TBC1D9: variants seen among roughly 807,000 people sequenced by gnomAD.
TBC1D9 encodes TBC1 domain family member 9.
In TBC1D9, 63 loss-of-function variants were observed where a neutral mutation model predicts 132.0. The ratio of observed to expected loss-of-function variants is 0.48; its 90% CI spans 0.39 to 0.59. The LOEUF (loss-of-function observed/expected upper bound fraction) is 0.59, where lower values mean the gene tolerates loss of function less well. TBC1D9 is among the 20% of genes least tolerant of loss of function. The pLI is 0.00. For missense variants in TBC1D9, 1,261 were observed against 1,592.7 expected (o/e 0.79, Z 3.54); for synonymous variants, 610 against 609.9 (o/e 1.00, Z 0.00).
intron 9 of TBC1D9, among the ~76,000 whole-genome samples, chr4:140,666,984 A>G (rs958922171): frequency 6.6e-6 from 1 of 152,204 alleles, no homozygotes; most frequent in African/African-American, 2.4e-5. Flanking sequence ...ACAGGGACAT[A>G]ACGCTGGCTT....
chr4:140,680,957 CTTTG>C (rs1265759765), intron 3 of TBC1D9, among the ~76,000 whole-genome samples: 23 of 152,290 alleles, frequency 1.5e-4, no homozygotes, highest in East Asian at 5.8e-4. Flanking sequence ...ATCATGTACA[CTTTG>C]TTTGTTTTAA....
intron 2 of TBC1D9, among the ~76,000 whole-genome samples, chr4:140,686,668 TTG>T (rs1737787112): frequency 6.6e-6 from 1 of 152,140 alleles, no homozygotes; most frequent in Non-Finnish European, 1.5e-5. Context: ...TATAATCAAG[TTG>T]TGTTATAATC....
intron 3 of TBC1D9, among the ~76,000 whole-genome samples, chr4:140,685,831 A>G (rs1009676484): frequency 6.6e-6 from 1 of 152,192 alleles, no homozygotes; most frequent in African/African-American, 2.4e-5. Flanking sequence ...AGAGGTTCAG[A>G]AAGTTGTGAA....
intron 2 of TBC1D9, among the ~76,000 whole-genome samples, chr4:140,697,041 A>G (rs570570936): frequency 6.6e-6 from 1 of 152,184 alleles, no homozygotes; most frequent in Non-Finnish European, 1.5e-5. Context: ...CATGAAAAGG[A>G]GCCAGTAACT....
chr4:140,643,463 G>A (rs1268466996), intron 13 of TBC1D9: 3 of 908,022 alleles, frequency 3.3e-6, no homozygotes, highest in Non-Finnish European at 5.4e-6. Context: ...CCTCTTCCAG[G>A]TAGCAGGTGC....
Position 140,658,247 on chromosome 4 carries a change from A to C in TBC1D9, c.1922-435T>G, listed in dbSNP as rs138000303. Among the ~76,000 whole-genome samples the C allele has an allele frequency of 2.1e-3, 325 of 152,304 alleles. 2 individuals carry two copies. The highest frequency in any genetic ancestry group is 7.4e-3 in the African/African-American group (307 of 41,570). On this transcript the variant is annotated intron_variant, in intron 11 of 20. Transcript: ENST00000442267. The stretch of plus-strand genomic sequence containing the variant: ...CATGTGAACATCTTTGAGAGTACTC[A>C]CACAAACCTAGACAGTAGAGCCTTA...
At chr4:140,634,537 T>G (rs1736847374) in intron 15 of TBC1D9, among the ~76,000 whole-genome samples, 1 of 152,140 alleles carries the variant, frequency 6.6e-6, no homozygotes, top group African/African-American at 2.4e-5. Flanking sequence ...AGAAAGAAAT[T>G]TTTTAGCTTA....
At position 140,632,087 on chromosome 4, in the gene TBC1D9, C is replaced by T. The variant is rs6537000; in HGVS notation, c.2746+1861G>A. On this transcript the variant is annotated intron_variant, in intron 16 of 20. Transcript: ENST00000442267. ...CATTTTGAAGTCTAAATATTCTTTTCCAGTGTTTTCTCTATGCTGGACTTC... is the reference window on the plus strand; with the variant it reads ...CATTTTGAAGTCTAAATATTCTTTTTCAGTGTTTTCTCTATGCTGGACTTC... Among the ~76,000 whole-genome samples the T allele has an allele frequency of 8.0e-3, 1,213 of 152,264 alleles. 14 individuals carry two copies. Among genetic ancestry groups the T allele is most frequent in the African/African-American group, 0.027 (1,120 of 41,548 alleles).
At chr4:140,645,521 C>G in intron 13 of TBC1D9, 3 of 358,808 alleles carry the variant, frequency 8.4e-6, no homozygotes, top group Non-Finnish European at 1.6e-5. Context: ...TCCTCTCTTG[C>G]GAGAGCCTCT....
chr4:140,643,651 C>G, intron 13 of TBC1D9: 1 of 1,080,502 alleles, frequency 9.3e-7, no homozygotes, highest in East Asian at 2.6e-5. Flanking sequence ...TCCACTGGCT[C>G]CTCCTTGGCC....
At chr4:140,710,863 TA>T (rs1738232060) in intron 1 of TBC1D9, among the ~76,000 whole-genome samples, 1 of 152,194 alleles carries the variant, frequency 6.6e-6, no homozygotes, top group Non-Finnish European at 1.5e-5. Context: ...GACCCCTTGT[TA>T]AAAAATTCTT....
At chr4:140,731,773 T>A (rs1436616912) in intron 1 of TBC1D9, among the ~76,000 whole-genome samples, 1 of 152,020 alleles carries the variant, frequency 6.6e-6, no homozygotes, top group Non-Finnish European at 1.5e-5. Flanking sequence ...CAGATACAAT[T>A]TTTTTTACTT....
At chr4:140,657,895 C>A in intron 11 of TBC1D9, 83 bp from the exon 12 acceptor site, 1 of 1,448,430 alleles carries the variant, frequency 6.9e-7, no homozygotes, top group Non-Finnish European at 9.4e-7. Context: ...AACTTGACTG[C>A]TAGCACAGGA....
chr4:140,653,519 T>C (rs994884462), intron 13 of TBC1D9, among the ~76,000 whole-genome samples: 3 of 152,172 alleles, frequency 2.0e-5, no homozygotes, highest in African/African-American at 7.2e-5. Context: ...TCAGATTTAA[T>C]TGGTCTGGGA....
chr4:140,643,579 G>C, intron 13 of TBC1D9: 4 of 880,856 alleles, frequency 4.5e-6, no homozygotes, highest in Non-Finnish European at 6.9e-6. Flanking sequence ...GGCTCGCTCA[G>C]GGCCGCCTGG....
At chr4:140,658,855 T>C (rs1737313013) in intron 11 of TBC1D9, among the ~76,000 whole-genome samples, 1 of 152,034 alleles carries the variant, frequency 6.6e-6, no homozygotes. Flanking sequence ...GCCCACAGAT[T>C]AATCATTTTT....
chr4:140,664,218 C>T (rs771720936), intron 9 of TBC1D9, among the ~76,000 whole-genome samples: 12 of 152,048 alleles, frequency 7.9e-5, no homozygotes, highest in Non-Finnish European at 1.3e-4. Context: ...ACCTCAACAA[C>T]GCATGAATGA....
At chr4:140,744,036 G>C (rs11940304) in intron 1 of TBC1D9, among the ~76,000 whole-genome samples, 58,328 of 151,892 alleles carry the variant, frequency 0.38, 12,774 homozygotes, top group African/African-American at 0.58. Flanking sequence ...TTTCTTTGTA[G>C]AATAAATCAG....
At chr4:140,689,135 G>T (rs13131676) in intron 2 of TBC1D9, among the ~76,000 whole-genome samples, 54,587 of 151,908 alleles carry the variant, frequency 0.36, 11,713 homozygotes, top group South Asian at 0.47. Flanking sequence ...TCTCTGTTTT[G>T]CCTCTCATCT....
Sources: allele counts gnomAD v4.1 joint callset (sites outside exome capture counted in the v4.1 genomes callset), GRCh38; gene constraint gnomAD v4.1.1; transcripts MANE v1.5; gene names NCBI Gene and HGNC (gene_info 2026-07-23, HGNC 2026-07-21).